N4BP2L2: variants seen among roughly 807,000 people sequenced by gnomAD.
N4BP2L2 encodes NEDD4-binding protein 2-like 2.
N4BP2L2 carries 50 observed loss-of-function variants against 56.2 expected under a neutral mutation model. The ratio of observed to expected loss-of-function variants is 0.89; its 90% CI spans 0.71 to 1.13. N4BP2L2 has a LOEUF of 1.13. Among genes scored for constraint, N4BP2L2 ranks in the 50% most tolerant of loss-of-function variants. N4BP2L2 has a pLI of 0.00. For synonymous variants in N4BP2L2, 203 were observed against 223.6 expected, an observed-to-expected ratio of 0.91 and a Z score of 0.82; for missense variants, 689 against 693.8, an observed-to-expected ratio of 0.99 and a Z score of 0.08.
intron 6 of N4BP2L2, among the ~76,000 whole-genome samples, chr13:32,476,403 T>A (rs1267147378): frequency 6.6e-6 from 1 of 152,094 alleles, no homozygotes; most frequent in East Asian, 1.9e-4. Flanking sequence ...CAAGGAAAAA[T>A]AAATTACGTG....
intron 6 of N4BP2L2, chr13:32,477,572 GTGAACC>G: frequency 3.8e-6 from 1 of 265,984 alleles, no homozygotes; most frequent in Non-Finnish European, 7.5e-6. Flanking sequence ...ATGTCTTCCA[GTGAACC>G]TCAGTTGATT....
intron 2 of N4BP2L2, among the ~76,000 whole-genome samples, chr13:32,528,249 A>G (rs1460990346): frequency 2.6e-5 from 4 of 152,242 alleles, no homozygotes; most frequent in Non-Finnish European, 5.9e-5. Context: ...TTCATTTAGA[A>G]AAAACCATAT....
At chr13:32,497,792 T>C (rs2089087527) in intron 6 of N4BP2L2, among the ~76,000 whole-genome samples, 1 of 152,178 alleles carries the variant, frequency 6.6e-6, no homozygotes, top group South Asian at 2.1e-4. Flanking sequence ...CATGACAAAA[T>C]GTTCGGTGGC....
rs1363394409 is a variant in N4BP2L2, at chr13:32,458,019, G to A, written c.366-13893C>T. Among the ~76,000 whole-genome samples the A allele has an allele frequency of 2.6e-5, 4 of 151,144 alleles. No homozygotes were observed. The East Asian group carries it at 7.7e-4, about 29-fold the overall frequency. ...GTTTCCACTTAAAAGATACAGACTG[G>A]CTGTATTGATTTGTTTTTTGTTTTG... On this transcript the variant is annotated intron_variant, in intron 6 of 9. Transcript: ENST00000357505.
intron 6 of N4BP2L2, among the ~76,000 whole-genome samples, chr13:32,456,018 C>G (rs551686410): frequency 1.3e-5 from 2 of 152,372 alleles, no homozygotes; most frequent in East Asian, 3.9e-4. Flanking sequence ...TATCCCCCTA[C>G]CTGGTTCACT....
At chr13:32,486,737 C>T (rs923141562) in intron 6 of N4BP2L2, among the ~76,000 whole-genome samples, 2 of 151,876 alleles carry the variant, frequency 1.3e-5, no homozygotes, top group African/African-American at 2.4e-5. Context: ...TGGTGGCTCC[C>T]ACCTGTAATC....
intron 6 of N4BP2L2, among the ~76,000 whole-genome samples, chr13:32,456,140 C>G (rs909605427): frequency 6.6e-6 from 1 of 152,224 alleles, no homozygotes; most frequent in Non-Finnish European, 1.5e-5. Flanking sequence ...GATAGGCACA[C>G]TCAGCCTGTC....
In N4BP2L2 at chr13:32,434,248, C is replaced by CTTTTTTTTTTT. The variant is rs369328452; in HGVS notation, c.*22-1277_*22-1276insAAAAAAAAAAA. ...TGTGCCACCACATTCAGCTAATTTT[C>CTTTTTTTTTTT]TTTTTTTCTTTTTTTTTTTTTTGTA... On this transcript the variant is annotated intron_variant, in intron 9 of 9. Transcript: ENST00000357505. 1.3e-3 allele frequency among the ~76,000 whole-genome samples: 140 copies of CTTTTTTTTTTT among 111,982 alleles called. 1 individual carries two copies. Among genetic ancestry groups the CTTTTTTTTTTT allele is most frequent in the East Asian group, 4.6e-3 (15 of 3,296 alleles). 73.5% of individuals were successfully genotyped at this position (111,982 alleles called of 152,430 possible). A position where few individuals can be genotyped will look rare whatever the true frequency, so the allele number is the denominator to read the frequency against.
At chr13:32,451,961 T>G (rs1476017554) in intron 6 of N4BP2L2, among the ~76,000 whole-genome samples, 1 of 152,160 alleles carries the variant, frequency 6.6e-6, no homozygotes. Context: ...TTCAGAAAAG[T>G]TCTACCGAAT....
At position 32,443,989 on chromosome 13, in the gene N4BP2L2, G is replaced by C. The variant is rs376388849; in HGVS notation, c.503C>G (p.Pro168Arg). The change falls in exon 7 of 10, where the codon CCG becomes CGG. Residue 168 changes from proline (P) to arginine (R), a missense_variant. Physicochemically the swap from Pro to Arg is moderately radical, Grantham distance 103 (BLOSUM62 -2). Transcript: ENST00000357505. ...ACTCTGAGATGGGTCCTGATCTCCC[G>C]GTGTAAGATCACTTAAGAATTCTAA... The C allele has an allele frequency of 2.1e-5, 33 of 1,607,364 alleles. 1 individual carries two copies. In the South Asian group the frequency reaches 3.6e-4, roughly 17 times the overall value.
At chr13:32,496,796 G>C (rs2088787789) in intron 6 of N4BP2L2, among the ~76,000 whole-genome samples, 1 of 152,160 alleles carries the variant, frequency 6.6e-6, no homozygotes, top group South Asian at 2.1e-4. Flanking sequence ...CCTCTGACAT[G>C]TTCCCCACCC....
chr13:32,535,896 T>TA lies in N4BP2L2; in HGVS notation c.1131dup (p.Met378TyrfsTer5). The TA allele has an allele frequency of 6.2e-7, 1 of 1,614,144 alleles. No homozygotes were observed. Among genetic ancestry groups the TA allele is most frequent in the Non-Finnish European group, 8.5e-7 (1 of 1,180,032 alleles). On this transcript the variant is annotated frameshift_variant, in exon 2 of 6. Transcript: ENST00000267068. LOFTEE classifies it high-confidence loss of function. ...CTGTCTGTTCCATTATGCTTGTCCA[T>TA]ACAATGATCTTTCCAGCATCTTTCT... is the stretch of plus-strand genomic sequence containing the variant.
intron 6 of N4BP2L2, among the ~76,000 whole-genome samples, chr13:32,473,126 C>CA (rs1435470834): frequency 1.3e-5 from 2 of 151,570 alleles, no homozygotes; most frequent in African/African-American, 4.8e-5. Context: ...ACTAAAAATA[C>CA]AAAAAATTAG....
chr13:32,491,306 T>G (rs9595630), intron 6 of N4BP2L2, among the ~76,000 whole-genome samples: 41,488 of 151,864 alleles, frequency 0.27, 6,843 homozygotes, highest in Non-Finnish European at 0.37. Flanking sequence ...GGTTCACAGA[T>G]CTCAGCATTA....
chr13:32,505,166 C>T (rs1324390638), intron 6 of N4BP2L2: 3 of 152,384 alleles, frequency 2.0e-5, no homozygotes, highest in African/African-American at 7.2e-5. Context: ...TCATTCTTCC[C>T]TCTTCTTGAA....
At chr13:32,486,294 GGAAA>G (rs1050806684) in intron 6 of N4BP2L2, among the ~76,000 whole-genome samples, 1 of 151,990 alleles carries the variant, frequency 6.6e-6, no homozygotes, top group Non-Finnish European at 1.5e-5. Flanking sequence ...AATACAAATT[GGAAA>G]GAAAGAAGTA....
chr13:32,463,731 C>A (rs2080671677), intron 6 of N4BP2L2, among the ~76,000 whole-genome samples: 2 of 150,622 alleles, frequency 1.3e-5, no homozygotes, highest in African/African-American at 4.9e-5. Flanking sequence ...GAATTCTCAC[C>A]ATAAACTACC....
exon 6 of N4BP2L2, chr13:32,516,080 G>A (rs1225126711): frequency 6.6e-6 from 1 of 152,108 alleles, no homozygotes; most frequent in Non-Finnish European, 1.5e-5. Flanking sequence ...AGTTTATGAA[G>A]ACAGACAGAA....
intron 2 of N4BP2L2, among the ~76,000 whole-genome samples, chr13:32,534,518 C>T (rs1025569299): frequency 6.6e-6 from 1 of 152,158 alleles, no homozygotes; most frequent in Non-Finnish European, 1.5e-5. Context: ...TCACTCCTAA[C>T]TTCTATTATT....
Sources: allele counts gnomAD v4.1 joint callset (sites outside exome capture counted in the v4.1 genomes callset), GRCh38; gene constraint gnomAD v4.1.1; transcripts MANE v1.5; gene names NCBI Gene and HGNC (gene_info 2026-07-23, HGNC 2026-07-21).